Variants in TMEM132D observed in about 807,000 individuals in gnomAD.
TMEM132D encodes mature OL transmembrane protein.
In TMEM132D, 21 loss-of-function variants were observed where a neutral mutation model predicts 62.3. The observed-to-expected ratio is 0.34, with a 90% CI of 0.24 to 0.49. The LOEUF (loss-of-function observed/expected upper bound fraction) is 0.49. Among genes scored for constraint, TMEM132D ranks in the 20% least tolerant of loss-of-function variants. The pLI is 0.99. For missense variants in TMEM132D, 1,346 were observed against 1,402.8 expected, an observed-to-expected ratio of 0.96 and a Z score of 0.65; for synonymous variants, 621 against 575.6, an observed-to-expected ratio of 1.08 and a Z score of -1.13.
chr12:129,215,624 G>A (rs558206022), intron 4 of TMEM132D, among the ~76,000 whole-genome samples: 5 of 152,346 alleles, frequency 3.3e-5, no homozygotes, highest in Non-Finnish European at 5.9e-5. Flanking sequence ...GTGGTGGTAT[G>A]TGGTTAAAAG....
intron 1 of TMEM132D, among the ~76,000 whole-genome samples, chr12:129,844,585 C>T (rs1310693906): frequency 6.6e-6 from 1 of 152,208 alleles, no homozygotes; most frequent in African/African-American, 2.4e-5. Context: ...GCTGGACTTT[C>T]TAAGCAAAGC....
intron 3 of TMEM132D, among the ~76,000 whole-genome samples, chr12:129,479,298 T>C (rs1303859760): frequency 2.0e-5 from 3 of 152,104 alleles, no homozygotes; most frequent in Non-Finnish European, 2.9e-5. Context: ...TGAAAAAAAA[T>C]TGGCATCAAA....
At chr12:129,538,291 A>G (rs1593057092) in intron 2 of TMEM132D, among the ~76,000 whole-genome samples, 2 of 152,206 alleles carry the variant, frequency 1.3e-5, no homozygotes, top group Admixed American at 1.3e-4. Flanking sequence ...ACGTTTCCAC[A>G]CCCAGTCTAT....
intron 1 of TMEM132D, among the ~76,000 whole-genome samples, chr12:129,888,413 C>A (rs955007055): frequency 3.9e-5 from 6 of 151,930 alleles, no homozygotes; most frequent in African/African-American, 2.4e-5. Flanking sequence ...TTATAACAGC[C>A]CTGTCTGGGC....
At chr12:129,386,684 A>G (rs1021293660) in intron 3 of TMEM132D, among the ~76,000 whole-genome samples, 1 of 151,336 alleles carries the variant, frequency 6.6e-6, no homozygotes, top group African/African-American at 2.4e-5. Flanking sequence ...CAACACCAAT[A>G]CTAACACTAA....
intron 5 of TMEM132D, among the ~76,000 whole-genome samples, chr12:129,092,356 C>CT (rs1009362075): frequency 1.8e-5 from 2 of 108,276 alleles, no homozygotes; most frequent in Non-Finnish European, 3.7e-5. Flanking sequence ...GAAATTCTGT[C>CT]TTTTTTTCCC....
chr12:129,694,363 A>G (rs1482013597), intron 2 of TMEM132D, among the ~76,000 whole-genome samples: 1 of 152,244 alleles, frequency 6.6e-6, no homozygotes, highest in Non-Finnish European at 1.5e-5. Flanking sequence ...AGTAAGTCTC[A>G]AAATGGTCAA....
chr12:129,299,074 G>A (rs890672791), intron 4 of TMEM132D, among the ~76,000 whole-genome samples: 2 of 152,190 alleles, frequency 1.3e-5, no homozygotes, highest in Non-Finnish European at 2.9e-5. Context: ...TCCCAAGGTC[G>A]ATCTGTGACT....
At chr12:129,225,732 C>A (rs578139823) in intron 4 of TMEM132D, among the ~76,000 whole-genome samples, 1 of 152,110 alleles carries the variant, frequency 6.6e-6, no homozygotes, top group Non-Finnish European at 1.5e-5. Context: ...GATTCAATTA[C>A]GTTCCTGGCA....
intron 2 of TMEM132D, among the ~76,000 whole-genome samples, chr12:129,550,956 C>T (rs1047144772): frequency 6.6e-6 from 1 of 152,204 alleles, no homozygotes; most frequent in Non-Finnish European, 1.5e-5. Context: ...CCACCATCCT[C>T]TTGTGATACT....
rs564978814 is a variant in TMEM132D, at chr12:129,716,477, G to A, written c.80-15779C>T. On this transcript the variant is annotated intron_variant, in intron 1 of 8. Transcript: ENST00000422113. ...AACATGCGTCTCTTTGGAAACCACA[G>A]CTGACCTACAAGGTGCACTGAATTT... 1.2e-4 allele frequency among the ~76,000 whole-genome samples: 18 copies of A among 152,330 alleles called. No homozygotes were observed. The South Asian group carries it at 2.7e-3, about 23-fold the overall frequency.
chr12:129,620,652 C>G (rs747171960), intron 2 of TMEM132D, among the ~76,000 whole-genome samples: 19 of 152,172 alleles, frequency 1.2e-4, no homozygotes, highest in Admixed American at 3.9e-4. Context: ...TTAAAAGGAA[C>G]AAGATCATGT....
intron 3 of TMEM132D, among the ~76,000 whole-genome samples, chr12:129,490,627 G>A (rs1219427068): frequency 8.9e-5 from 3 of 33,600 alleles, no homozygotes; most frequent in Non-Finnish European, 1.3e-4. Context: ...TTTTTTTTTT[G>A]TATTTTTAGT....
chr12:129,226,066 T>C (rs1453747848), intron 4 of TMEM132D, among the ~76,000 whole-genome samples: 2 of 152,168 alleles, frequency 1.3e-5, no homozygotes, highest in Admixed American at 1.3e-4. Flanking sequence ...TATGAGTGGT[T>C]TGAGGGACTT....
At chr12:129,681,087 T>A (rs1447779103) in intron 2 of TMEM132D, among the ~76,000 whole-genome samples, 1 of 152,170 alleles carries the variant, frequency 6.6e-6, no homozygotes, top group East Asian at 1.9e-4. Flanking sequence ...TGCAGAGGTG[T>A]ACTCAGTGAA....
chr12:129,179,318 C>CT (rs113121442), intron 5 of TMEM132D, among the ~76,000 whole-genome samples: 32 of 149,220 alleles, frequency 2.1e-4, no homozygotes, highest in East Asian at 7.8e-4. Context: ...CAGAGGTAGC[C>CT]TTTTTTTTTG....
intron 2 of TMEM132D, among the ~76,000 whole-genome samples, chr12:129,664,176 T>C (rs1246923302): frequency 6.6e-6 from 1 of 152,126 alleles, no homozygotes; most frequent in Non-Finnish European, 1.5e-5. Flanking sequence ...ACTAGAGCAA[T>C]CTTCAAAAAA....
chr12:129,735,818 A>G (rs1295569732), intron 1 of TMEM132D, among the ~76,000 whole-genome samples: 1 of 152,224 alleles, frequency 6.6e-6, no homozygotes, highest in East Asian at 1.9e-4. Context: ...TCTCTTGACC[A>G]TGAATATGTG....
chr12:129,206,646 T>C (rs1878855085), intron 5 of TMEM132D, among the ~76,000 whole-genome samples: 1 of 152,194 alleles, frequency 6.6e-6, no homozygotes, highest in Non-Finnish European at 1.5e-5. Context: ...TAAAGATACA[T>C]GCACGCGAAT....
Sources: allele counts gnomAD v4.1 joint callset (sites outside exome capture counted in the v4.1 genomes callset), GRCh38; gene constraint gnomAD v4.1.1; transcripts MANE v1.5; gene names NCBI Gene and HGNC (gene_info 2026-07-23, HGNC 2026-07-21).